The following SULT1A1 variants were observed in gnomAD, a reference collection of about 807,000 sequenced individuals.
SULT1A1 encodes sulfotransferase family 1A member 1, also known as sulfotransferase 1A1.
A neutral mutation model predicts 36.8 loss-of-function variants in SULT1A1; 35 were observed. The ratio of observed to expected loss-of-function variants is 0.95; its 90% CI spans 0.73 to 1.26. The LOEUF is 1.26. SULT1A1 is among the 50% of genes most tolerant of loss of function. The pLI, the probability that SULT1A1 is intolerant of heterozygous loss-of-function variation, is 0.00. For missense variants in SULT1A1, 309 were observed against 383.0 expected, an observed-to-expected ratio of 0.81 and a Z score of 1.61; for synonymous variants, 119 against 146.0, an observed-to-expected ratio of 0.82 and a Z score of 1.33.
chr16:28,607,200 G>C lies in SULT1A1; in HGVS notation c.373-123C>G, dbSNP rs111255298. On this transcript the variant is annotated intron_variant, in intron 4 of 7. Coordinates refer to ENST00000314752, the MANE Select transcript of SULT1A1 (RefSeq NM_001055.4). ...GAGGCTGACTTGTTTGAGATCTCAC[G>C]GCACCGGTAGGGCCAAGTCAGGAGC... 870 of 1,518,740 alleles carry C rather than the reference G, an allele frequency of 5.7e-4. 1 individual carries two copies. In the African/African-American group the frequency reaches 9.8e-3, roughly 17 times the overall value. The allele number at this position is 1,518,740 out of a possible 1,614,324, so 94.1% of individuals were successfully genotyped here. A position where few individuals can be genotyped will look rare whatever the true frequency, so the allele number is the denominator to read the frequency against.
chr16:28,609,802 C>G, intron 1 of SULT1A1, 129 bp downstream of exon 1: 1 of 1,042,890 alleles, frequency 9.6e-7, no homozygotes, highest in South Asian at 1.6e-5. Flanking sequence ...TTCACGCAGG[C>G]CAGGGTTGTC....
rs574526102 is a variant in SULT1A1, at chr16:28,609,391, C to T, written c.-4-532G>A. ...GCCACAGTCCATCTGGGCTCCAGGA[C>T]AAACACGGCCCATTGAGGAACTGAG... On this transcript the variant is annotated intron_variant, in intron 1 of 7. Transcript: ENST00000314752. 161 of 1,289,280 alleles carry T rather than the reference C, an allele frequency of 1.2e-4. No individual in the cohort carries two copies. In the African/African-American group the frequency reaches 2.0e-3, roughly 16 times the overall value. The allele number at this position is 1,289,280 out of a possible 1,614,324, so 79.9% of individuals were successfully genotyped here.
intron 1 of SULT1A1, among the ~76,000 whole-genome samples, chr16:28,621,209 C>A (rs1011670506): frequency 6.6e-6 from 1 of 151,496 alleles, no homozygotes; most frequent in Non-Finnish European, 1.5e-5. Context: ...ATCTCAGGTG[C>A]GAGGGCTCAC....
Position 28,605,922 on chromosome 16 carries a change from C to A in SULT1A1, c.787G>T (p.Asp263Tyr). The change falls in exon 8 of 8, where the codon GAC (aspartate) becomes TAC (tyrosine). Residue 263 changes from aspartate to tyrosine, a missense_variant. Physicochemically the swap from Asp to Tyr is radical, Grantham distance 160. Around this residue, in one of 3 missense-constraint regions of SULT1A1, gnomAD observed 67 missense variants for 122.0 expected, o/e 0.55. Transcript: ENST00000314752. ...GCCACGGTGAAGGTGGTCTTCCAGT[C>A]CCCAGCCATGCCTGGGGGAGGAAGG... ...SPFMRKGMAG[D>Y]WKTTFTVAQN... is the part of the protein sequence containing the mutation. 6.2e-7 allele frequency: 1 copy of A among 1,607,038 alleles called. No individual in the cohort carries two copies. Among genetic ancestry groups the A allele is most frequent in the Non-Finnish European group, 8.5e-7 (1 of 1,175,974 alleles).
rs59910514 is a variant in SULT1A1 at position 28,621,482 on chromosome 16, CAAAAAAAAA to C, written c.68-1358_68-1350del. On this transcript the variant is annotated intron_variant, in intron 1 of 5. Coordinates refer to the SULT1A1 transcript ENST00000350842. The stretch of plus-strand genomic sequence containing the variant: ...TGGGCAATAAAACAAGACTCTGTCT[CAAAAAAAAA>C]AAAAAAAAAAAAAAAAAGAAGAAGA... Among the ~76,000 whole-genome samples, 53 of 59,540 alleles carry C rather than the reference CAAAAAAAAA, an allele frequency of 8.9e-4. 1 individual carries two copies. The highest frequency in any genetic ancestry group is 0.011 in the Middle Eastern group (1 of 92). 39.1% of individuals were successfully genotyped at this position (59,540 alleles called of 152,430 possible). A position where few individuals can be genotyped will look rare whatever the true frequency, so the allele number is the denominator to read the frequency against.
At chr16:28,621,325 T>A (rs2047648933) in intron 1 of SULT1A1, among the ~76,000 whole-genome samples, 2 of 150,430 alleles carry the variant, frequency 1.3e-5, no homozygotes, top group East Asian at 3.9e-4. Flanking sequence ...CCATTAAAAA[T>A]GCAAAAATTA....
At chr16:28,616,545 C>G (rs1444452207) in intron 2 of SULT1A1, among the ~76,000 whole-genome samples, 2 of 152,182 alleles carry the variant, frequency 1.3e-5, no homozygotes, top group Non-Finnish European at 2.9e-5. Flanking sequence ...ACCTCGGCCT[C>G]TCAAAGTGGT....
rs2047351970 is a variant in SULT1A1 at position 28,609,210 on chromosome 16, C to T, written c.-4-351G>A. Reference sequence around the variant, plus strand: ...GCACTGAGGAAGCTCTAGGACCTTCCTGTGCTGTCTCCCTGCCAGCCAGCG... The same window carrying T: ...GCACTGAGGAAGCTCTAGGACCTTCTTGTGCTGTCTCCCTGCCAGCCAGCG... On this transcript the variant is annotated intron_variant, in intron 1 of 7. Transcript: ENST00000314752. 1.8e-5 allele frequency: 24 copies of T among 1,304,954 alleles called. 2 individuals are homozygous for T. The South Asian group carries it at 3.6e-4, about 20-fold the overall frequency. The allele number at this position is 1,304,954 out of a possible 1,614,324, so 80.8% of individuals were successfully genotyped here.
intron 1 of SULT1A1, among the ~76,000 whole-genome samples, chr16:28,621,209 C>T (rs1011670506): frequency 2.6e-5 from 4 of 151,498 alleles, no homozygotes; most frequent in African/African-American, 7.3e-5. Context: ...ATCTCAGGTG[C>T]GAGGGCTCAC....
intron 1 of SULT1A1, among the ~76,000 whole-genome samples, chr16:28,621,245 G>A (rs141060752): frequency 6.6e-6 from 1 of 151,984 alleles, no homozygotes; most frequent in African/African-American, 2.4e-5. Context: ...ACTTTGGGAG[G>A]CCATGATGGG....
upstream of SULT1A1, chr16:28,610,318 C>A: frequency 1.2e-6 from 1 of 846,936 alleles, no homozygotes; most frequent in Admixed American, 4.3e-5. Flanking sequence ...TCCTGACCTG[C>A]CCCTGAACTC....
intron 6 of SULT1A1, 33 bp from the exon 7 acceptor site, chr16:28,606,269 G>T (rs370566944): frequency 1.2e-6 from 2 of 1,611,310 alleles, no homozygotes; most frequent in East Asian, 2.2e-5. Flanking sequence ...GTGGAGGCTC[G>T]GATTACTGAT....
Position 28,608,698 on chromosome 16 carries a change from C to T in SULT1A1, c.148+10G>A. 3 of 1,612,514 alleles carry T rather than the reference C, an allele frequency of 1.9e-6. No homozygotes were observed. The highest frequency in any genetic ancestry group is 2.5e-6 in the Non-Finnish European group (3 of 1,178,870). On this transcript the variant is annotated intron_variant, in intron 2 of 7. Transcript: ENST00000314752. ...CACCTGGGAGAGGGTGGGTGGCCCT[C>T]CTCACTTACCGGACTTGGGGTAGGT...
In SULT1A1 at chr16:28,620,939, C is replaced by T. The variant is rs568957769; in HGVS notation, c.68-806G>A. Among the ~76,000 whole-genome samples, 327 of 151,898 alleles carry T rather than the reference C, an allele frequency of 2.2e-3. 5 individuals are homozygous for T. Among genetic ancestry groups the T allele is most frequent in the African/African-American group, 7.4e-3 (308 of 41,432 alleles). ...CAGCCTGACCAACACGGAGAAACCC[C>T]GTCTCTACTAAAAATACAAAATTAG... On this transcript the variant is annotated intron_variant, in intron 1 of 5. Coordinates refer to the SULT1A1 transcript ENST00000350842.
chr16:28,606,311 A>G, intron 6 of SULT1A1, 75 bp from the exon 7 acceptor site: 2 of 1,604,502 alleles, frequency 1.2e-6, no homozygotes, highest in Non-Finnish European at 1.7e-6. Context: ...CCCTTCTCTA[A>G]CCTCAGAGGC....
At position 28,605,721 on chromosome 16, in the gene SULT1A1, A is replaced by G. The variant is rs2047145967; in HGVS notation, c.*100T>C. 2 of 1,566,348 alleles carry G rather than the reference A, an allele frequency of 1.3e-6. No individual in the cohort carries two copies. Among genetic ancestry groups the G allele is most frequent in the Non-Finnish European group, 1.7e-6 (2 of 1,151,404 alleles). On this transcript the variant is annotated 3_prime_UTR_variant, in exon 8 of 8. Transcript: ENST00000314752. ...CCTCCAAATTGCTGGGATTACAGACATGACCTACCGTCCCGGGCCCTCAAT... is the reference window on the plus strand; with the variant it reads ...CCTCCAAATTGCTGGGATTACAGACGTGACCTACCGTCCCGGGCCCTCAAT...
chr16:28,609,541 T>C lies in SULT1A1; in HGVS notation c.-5+390A>G, dbSNP rs140545078. The C allele has an allele frequency of 7.0e-6, 4 of 570,678 alleles. 1 individual carries two copies. The East Asian group carries it at 2.7e-4, about 39-fold the overall frequency. 35.4% of individuals were successfully genotyped at this position (570,678 alleles called of 1,614,324 possible). A position where few individuals can be genotyped will look rare whatever the true frequency, so the allele number is the denominator to read the frequency against. The stretch of plus-strand genomic sequence containing the variant: ...ACCCTAGGGAGGCTGAGGCCAGGAG[T>C]TGGAGACCAACCTGGTGCAGCATTG... On this transcript the variant is annotated intron_variant, in intron 1 of 7. Coordinates refer to ENST00000314752, the MANE Select transcript of SULT1A1 (RefSeq NM_001055.4).
intron 1 of SULT1A1, among the ~76,000 whole-genome samples, chr16:28,620,304 C>T (rs1165053293): frequency 2.0e-5 from 3 of 152,128 alleles, no homozygotes; most frequent in Admixed American, 6.6e-5. Flanking sequence ...GTGGCTCAAG[C>T]CTGTAATCCC....
intron 5 of SULT1A1, 44 bp downstream of exon 5, chr16:28,606,907 A>T: frequency 6.2e-7 from 1 of 1,612,324 alleles, no homozygotes; most frequent in East Asian, 2.2e-5. Flanking sequence ...CGTTGTAGCC[A>T]CCACCCCTTA....
Sources: gnomAD v4.1 joint callset for allele counts (sites outside exome capture counted in the v4.1 genomes callset) on GRCh38, gnomAD v4.1.1 for gene constraint, gnomAD v4.1.1 regional missense constraint, MANE v1.5 for transcripts, NCBI Gene and HGNC (gene_info 2026-07-23, HGNC 2026-07-21) for gene names.